Variants in CARD14 observed in about 807,000 individuals in gnomAD.
The protein encoded by CARD14 is caspase recruitment domain family member 14, also known as caspase recruitment domain-containing protein 14.
A neutral mutation model predicts 111.5 loss-of-function variants in CARD14; 107 were observed. The observed-to-expected ratio is 0.96, with a 90% confidence interval of 0.82 to 1.13. CARD14 has a LOEUF of 1.13. Among genes scored for constraint, CARD14 ranks in the 50% most tolerant of loss-of-function variants. The pLI is 0.00. For missense variants in CARD14, 1,322 were observed against 1,362.3 expected, an observed-to-expected ratio of 0.97 and a Z score of 0.47; for synonymous variants, 617 against 579.6, an observed-to-expected ratio of 1.06 and a Z score of -0.93.
intron 12 of CARD14, among the ~76,000 whole-genome samples, chr17:80,193,996 G>A (rs989178418): frequency 1.3e-5 from 2 of 152,010 alleles, no homozygotes; most frequent in African/African-American, 2.4e-5. Context: ...CACCAGCCTC[G>A]TGGGCAACTG....
intron 14 of CARD14, 150 bp from the exon 15 acceptor site, chr17:80,197,949 A>C: frequency 1.4e-6 from 1 of 715,916 alleles, no homozygotes; most frequent in South Asian, 1.6e-5. Context: ...CTGAGGGAGA[A>C]GGGGCTGAGG....
Position 80,201,609 on chromosome 17 carries a change from T to G in CARD14, c.1852-135T>G. ...GAGGCTCTGGTGTGTGGCTTTGTTT[T>G]GACCAAGGCGTGCAGGCAGTGGTCC... On this transcript the variant is annotated intron_variant, in intron 16 of 23. Coordinates refer to ENST00000648509, the MANE Select transcript of CARD14 (RefSeq NM_001366385.1). This position sits in a 1 kb window ranked among gnomAD's most constrained non-coding sequence, Gnocchi z 5.0. 1 of 875,506 alleles carries G rather than the reference T, an allele frequency of 1.1e-6. No individual in the cohort carries two copies. Among genetic ancestry groups the G allele is most frequent in the Non-Finnish European group, 1.9e-6 (1 of 531,158 alleles). The allele number at this position is 875,506 out of a possible 1,614,324, so 54.2% of individuals were successfully genotyped here.
At chr17:80,204,120 T>G (rs2041142469) in intron 19 of CARD14, 107 bp from the exon 20 acceptor site, 3 of 1,110,896 alleles carry the variant, frequency 2.7e-6, no homozygotes, top group Middle Eastern at 2.2e-4. Flanking sequence ...CATCTGCGCC[T>G]CTGCATCACT....
Position 80,190,577 on chromosome 17 carries a change from C to T in CARD14, c.964-197C>T, listed in dbSNP as rs554052891. On this transcript the variant is annotated intron_variant, in intron 9 of 23. Coordinates refer to ENST00000648509, the MANE Select transcript of CARD14 (RefSeq NM_001366385.1). ...GCAGCGAGCCGAGATTGCGCCATTG[C>T]ACTCCAGCCTTGGCATCGCAGCGAG... Among the ~76,000 whole-genome samples the T allele has an allele frequency of 5.2e-4, 79 of 150,796 alleles. 2 individuals are homozygous for T. The highest frequency in any genetic ancestry group is 1.9e-3 in the African/African-American group (77 of 40,950).
In CARD14 at chr17:80,198,513, G is replaced by A. The variant is rs140661251; in HGVS notation, c.1773G>A (p.Thr591=). The part of the protein sequence containing the change: ...EQISVIGGNL[T]GIFIHRVTPG... ...TCAGCGTCATCGGCGGGAACCTCAC[G>A]GGCATCTTCATCCACCGGGTCACCC... Residue 591 remains threonine, a synonymous_variant, in exon 16 of 24, where the codon ACG becomes ACA. Coordinates refer to ENST00000648509, the MANE Select transcript of CARD14 (RefSeq NM_001366385.1). The surrounding 1 kb of genome is among the most constrained non-coding windows in gnomAD (Gnocchi z 7.5). 6.5e-5 allele frequency: 105 copies of A among 1,613,190 alleles called. No individual in the cohort carries two copies. The highest frequency in any genetic ancestry group is 5.3e-4 in the East Asian group (24 of 44,882).
At chr17:80,192,750 G>A (rs2040569043) in intron 12 of CARD14, 131 bp downstream of exon 12, 2 of 615,912 alleles carry the variant, frequency 3.2e-6, no homozygotes, top group Non-Finnish European at 5.7e-6. Context: ...GATTGTGAGA[G>A]TTTTATTTTA....
In CARD14 at chr17:80,198,618, C is replaced by T; in HGVS notation, c.1851+27C>T. 2 of 1,610,650 alleles carry T rather than the reference C, an allele frequency of 1.2e-6. No individual in the cohort carries two copies. Among genetic ancestry groups the T allele is most frequent in the Non-Finnish European group, 1.7e-6 (2 of 1,179,470 alleles). Reference sequence around the variant, plus strand: ...TGAGCCGTGCGAGGCCCCTCCTGTCCCCCGGGCTCCTCATGGGGACAGTGG... The same window carrying T: ...TGAGCCGTGCGAGGCCCCTCCTGTCTCCCGGGCTCCTCATGGGGACAGTGG... On this transcript the variant is annotated intron_variant, in intron 16 of 23. Coordinates refer to ENST00000648509, the MANE Select transcript of CARD14 (RefSeq NM_001366385.1). The surrounding 1 kb of genome is among the most constrained non-coding windows in gnomAD (Gnocchi z 7.5).
chr17:80,183,863 C>A, intron 6 of CARD14, 50 bp from the exon 7 acceptor site: 3 of 1,426,120 alleles, frequency 2.1e-6, no homozygotes, highest in South Asian at 3.1e-5. Context: ...CACCTGCCCA[C>A]CTATTACCTC....
intron 4 of CARD14, among the ~76,000 whole-genome samples, chr17:80,179,738 G>A (rs1430376979): frequency 2.0e-5 from 3 of 152,166 alleles, no homozygotes; most frequent in Non-Finnish European, 4.4e-5. Flanking sequence ...AGGCTGAGGT[G>A]GGAGGATTGC....
chr17:80,199,592 A>G (rs1281756945), intron 16 of CARD14, among the ~76,000 whole-genome samples: 2 of 146,814 alleles, frequency 1.4e-5, no homozygotes, highest in Admixed American at 1.4e-4. Context: ...GAAAAGAAAA[A>G]AAAAGGCCAG....
Position 80,191,307 on chromosome 17 carries a change from C to G in CARD14, c.1090-16C>G, listed in dbSNP as rs1179304735. 2 of 1,602,362 alleles carry G rather than the reference C, an allele frequency of 1.2e-6. No homozygotes were observed. The highest frequency in any genetic ancestry group is 3.3e-5 in the Admixed American group (2 of 59,856). On this transcript the variant is annotated splice_polypyrimidine_tract_variant and intron_variant, in intron 10 of 23. Transcript: ENST00000648509. ...TGGTGATGGCGCGGCCTCCTTACTCCCGTCGTGGCCCACAGGCGTACTCCG... is the reference window on the plus strand; with the variant it reads ...TGGTGATGGCGCGGCCTCCTTACTCGCGTCGTGGCCCACAGGCGTACTCCG...
chr17:80,184,974 AT>A (rs1350688339), intron 7 of CARD14, among the ~76,000 whole-genome samples: 24 of 152,312 alleles, frequency 1.6e-4, no homozygotes, highest in African/African-American at 5.5e-4. Flanking sequence ...GATCTGACTG[AT>A]TGGTAAGGCT....
intron 7 of CARD14, among the ~76,000 whole-genome samples, chr17:80,185,955 C>T (rs1217920695): frequency 6.6e-6 from 1 of 152,266 alleles, no homozygotes; most frequent in African/African-American, 2.4e-5. Context: ...GGGGACGTCA[C>T]ACCGTCCACC....
intron 10 of CARD14, 83 bp downstream of exon 10, chr17:80,190,982 C>G: frequency 6.5e-7 from 1 of 1,537,024 alleles, no homozygotes; most frequent in Admixed American, 1.9e-5. Flanking sequence ...TCTCGTGGCT[C>G]CCTGCCCTTG....
In CARD14 at chr17:80,189,742, C is replaced by T. The variant is rs1474637006; in HGVS notation, c.844-11C>T. 11 of 1,563,896 alleles carry T rather than the reference C, an allele frequency of 7.0e-6. No homozygotes were observed. Among genetic ancestry groups the T allele is most frequent in the Non-Finnish European group, 9.5e-6 (11 of 1,160,712 alleles). ...AAGCCAGCACCCCAGGCTGACCTCT[C>T]TCTGCCCCAGGCGGAGAAGGACATT... On this transcript the variant is annotated splice_polypyrimidine_tract_variant and intron_variant, in intron 8 of 23. Coordinates refer to ENST00000648509, the MANE Select transcript of CARD14 (RefSeq NM_001366385.1). This position sits in a 1 kb window ranked among gnomAD's most constrained non-coding sequence, Gnocchi z 4.7.
At chr17:80,178,016 G>A (rs182063308) in intron 2 of CARD14, among the ~76,000 whole-genome samples, 13 of 152,232 alleles carry the variant, frequency 8.5e-5, no homozygotes, top group East Asian at 5.8e-4. Context: ...ACCCTGACTC[G>A]CAAGCCTCAA....
At chr17:80,185,570 C>T (rs1171541337) in intron 7 of CARD14, among the ~76,000 whole-genome samples, 2 of 152,188 alleles carry the variant, frequency 1.3e-5, no homozygotes, top group Non-Finnish European at 2.9e-5. Context: ...CAGTGCAGTT[C>T]TCAACTTCAG....
Position 80,198,022 on chromosome 17 carries a change from T to TGAGGCTACAG in CARD14, c.1595-73_1595-72insCTACAGGAGG. 7.0e-7 allele frequency: 1 copy of TGAGGCTACAG among 1,431,718 alleles called. No homozygotes were observed. Among genetic ancestry groups the TGAGGCTACAG allele is most frequent in the Non-Finnish European group, 9.8e-7 (1 of 1,017,060 alleles). The allele number at this position is 1,431,718 out of a possible 1,614,324, so 88.7% of individuals were successfully genotyped here. On this transcript the variant is annotated intron_variant, in intron 14 of 23. Coordinates refer to ENST00000648509, the MANE Select transcript of CARD14 (RefSeq NM_001366385.1). This position sits in a 1 kb window ranked among gnomAD's most constrained non-coding sequence, Gnocchi z 7.5. ...TGACCAAGATCTGTGAAGAAGGGGC[T>TGAGGCTACAG]GAGGTTACAGGAGGTTACAGGACGC...
At chr17:80,174,758 C>G (rs1440717909) in intron 2 of CARD14, among the ~76,000 whole-genome samples, 1 of 152,168 alleles carries the variant, frequency 6.6e-6, no homozygotes, top group Non-Finnish European at 1.5e-5. Flanking sequence ...GCCCCCTCCC[C>G]ACTCCTGCTG....
Sources: gnomAD v4.1 joint callset for allele counts (sites outside exome capture counted in the v4.1 genomes callset) on GRCh38, gnomAD v4.1.1 for gene constraint, Gnocchi (gnomAD v3.1) non-coding constraint, MANE v1.5 for transcripts, NCBI Gene and HGNC (gene_info 2026-07-23, HGNC 2026-07-21) for gene names.